Variants in TCERG1L observed in about 807,000 individuals in gnomAD.
TCERG1L encodes transcription elongation regulator 1-like protein.
A neutral mutation model predicts 56.3 loss-of-function variants in TCERG1L; 37 were observed. The observed-to-expected ratio is 0.66, with a 90% CI of 0.51 to 0.87. The LOEUF (loss-of-function observed/expected upper bound fraction) is 0.87, where lower values mean the gene tolerates loss of function less well. Among genes scored for constraint, TCERG1L ranks in the 40% least tolerant of loss-of-function variants. The pLI, the probability that TCERG1L is intolerant of heterozygous loss-of-function variation, is 0.00. For missense variants in TCERG1L, 799 were observed against 774.2 expected (o/e 1.03, Z -0.38); for synonymous variants, 324 against 326.3 (o/e 0.99, Z 0.08).
intron 3 of TCERG1L, among the ~76,000 whole-genome samples, chr10:131,280,428 C>T (rs891651754): frequency 4.0e-5 from 6 of 151,444 alleles, no homozygotes; most frequent in Middle Eastern, 3.4e-3. Flanking sequence ...GTTGGGAAGA[C>T]TGGAAGCAGG....
At chr10:131,122,954 C>T (rs761864224) in intron 8 of TCERG1L, among the ~76,000 whole-genome samples, 4 of 152,232 alleles carry the variant, frequency 2.6e-5, no homozygotes, top group African/African-American at 4.8e-5. Flanking sequence ...AAATTTGCTT[C>T]AATTGCATTC....
At chr10:131,251,093 A>G (rs1229935440) in intron 4 of TCERG1L, among the ~76,000 whole-genome samples, 1 of 152,116 alleles carries the variant, frequency 6.6e-6, no homozygotes, top group Non-Finnish European at 1.5e-5. Flanking sequence ...GAACCCACTC[A>G]TCTTTGCTGT....
intron 4 of TCERG1L, among the ~76,000 whole-genome samples, chr10:131,202,335 A>G (rs1382901927): frequency 1.3e-5 from 2 of 152,166 alleles, no homozygotes; most frequent in Non-Finnish European, 1.5e-5. Flanking sequence ...TAATCCCAAC[A>G]CTTTGGGAGG....
At chr10:131,214,903 C>A (rs920351960) in intron 4 of TCERG1L, among the ~76,000 whole-genome samples, 2 of 152,204 alleles carry the variant, frequency 1.3e-5, no homozygotes, top group African/African-American at 4.8e-5. Context: ...TTATTCCATG[C>A]CAAGGACTCC....
chr10:131,198,068 T>G lies in TCERG1L; in HGVS notation c.857-31183A>C, dbSNP rs115146181. Among the ~76,000 whole-genome samples, 500 of 152,362 alleles carry G rather than the reference T, an allele frequency of 3.3e-3. 5 individuals are homozygous for G. The highest frequency in any genetic ancestry group is 0.012 in the African/African-American group (479 of 41,590). The stretch of plus-strand genomic sequence containing the variant: ...TGTTTTTTACAAAAATTCTTCATAA[T>G]TGCTGCACCTGAGGAGGTTCTCACC... On this transcript the variant is annotated intron_variant, in intron 4 of 11. Coordinates refer to ENST00000368642, the MANE Select transcript of TCERG1L (RefSeq NM_174937.4).
intron 3 of TCERG1L, among the ~76,000 whole-genome samples, 156 bp downstream of exon 3, chr10:131,308,055 G>GT (rs962290148): frequency 7.9e-5 from 12 of 152,126 alleles, no homozygotes; most frequent in African/African-American, 1.2e-4. Flanking sequence ...TCCAAGACTA[G>GT]TTTTTTTTAA....
chr10:131,253,438 GA>G (rs145566395), intron 4 of TCERG1L, among the ~76,000 whole-genome samples: 1 of 152,260 alleles, frequency 6.6e-6, no homozygotes, highest in East Asian at 1.9e-4. Context: ...CTTTCAGCTT[GA>G]AAATTTTGGA....
intron 4 of TCERG1L, among the ~76,000 whole-genome samples, chr10:131,170,877 G>A (rs989655578): frequency 1.3e-5 from 2 of 152,268 alleles, no homozygotes; most frequent in South Asian, 2.1e-4. Flanking sequence ...GCCGGGCGCC[G>A]TGGCTCACAC....
chr10:131,222,943 C>T (rs962404877), intron 4 of TCERG1L, among the ~76,000 whole-genome samples: 3 of 152,160 alleles, frequency 2.0e-5, no homozygotes, highest in African/African-American at 7.2e-5. Flanking sequence ...TAACCCCGCC[C>T]CGCCTGTGGG....
At chr10:131,292,195 G>C (rs957164802) in intron 3 of TCERG1L, among the ~76,000 whole-genome samples, 1 of 152,132 alleles carries the variant, frequency 6.6e-6, no homozygotes, top group Non-Finnish European at 1.5e-5. Context: ...ACAGTGTGGC[G>C]TTTTTTAGCT....
intron 4 of TCERG1L, among the ~76,000 whole-genome samples, chr10:131,211,617 T>C (rs1454679910): frequency 6.6e-6 from 1 of 152,212 alleles, no homozygotes; most frequent in South Asian, 2.1e-4. Context: ...AGAAATGTCA[T>C]AGGCAGCTCC....
intron 4 of TCERG1L, among the ~76,000 whole-genome samples, chr10:131,168,512 C>G (rs78523204): frequency 2.0e-5 from 3 of 152,172 alleles, no homozygotes; most frequent in African/African-American, 7.2e-5. Context: ...ATTTCAGGTG[C>G]GGAGCAGCAA....
chr10:131,311,363 CAGCAGCGGG>C lies in TCERG1L; in HGVS notation c.264_272del (p.Leu91_Leu93del). The C allele has an allele frequency of 4.2e-6, 5 of 1,199,284 alleles. No individual in the cohort carries two copies. The highest frequency in any genetic ancestry group is 5.2e-6 in the Non-Finnish European group (5 of 968,768). 74.3% of individuals were successfully genotyped at this position (1,199,284 alleles called of 1,614,324 possible). ...CGGAGTCTGGCGCAGAGGGCAGCGG[CAGCAGCGGG>C]AGCACCGGCTCGCTCGGGGCCGGCC... On this transcript the variant is annotated inframe_deletion, in exon 1 of 12. Coordinates refer to ENST00000368642, the MANE Select transcript of TCERG1L (RefSeq NM_174937.4). This position sits in a 1 kb window ranked among gnomAD's most constrained non-coding sequence, Gnocchi z 4.0.
intron 4 of TCERG1L, among the ~76,000 whole-genome samples, chr10:131,255,444 A>G (rs750740092): frequency 3.9e-5 from 6 of 152,258 alleles, no homozygotes; most frequent in Non-Finnish European, 5.9e-5. Flanking sequence ...AAAAATAGCA[A>G]AGGAATAATT....
intron 3 of TCERG1L, among the ~76,000 whole-genome samples, chr10:131,300,939 G>A (rs1589777672): frequency 6.6e-6 from 1 of 152,048 alleles, no homozygotes; most frequent in East Asian, 1.9e-4. Flanking sequence ...TGTCATGGTT[G>A]CCTTCAATGC....
rs73394545 is a variant in TCERG1L at position 131,165,290 on chromosome 10, C to T, written c.945+1507G>A. ...CAGAAGCATCTCGCACAGTCTCCAGCGTGAGGGTGAACCTGGGAAGGGCAT... is the reference window on the plus strand; with the variant it reads ...CAGAAGCATCTCGCACAGTCTCCAGTGTGAGGGTGAACCTGGGAAGGGCAT... On this transcript the variant is annotated intron_variant, in intron 5 of 11. Coordinates refer to ENST00000368642, the MANE Select transcript of TCERG1L (RefSeq NM_174937.4). Among the ~76,000 whole-genome samples the T allele has an allele frequency of 6.1e-3, 929 of 152,236 alleles. 7 individuals are homozygous for T. The highest frequency in any genetic ancestry group is 0.021 in the African/African-American group (891 of 41,546).
chr10:131,308,448 G>T, intron 2 of TCERG1L, 57 bp from the exon 3 acceptor site: 2 of 1,443,486 alleles, frequency 1.4e-6, no homozygotes, highest in Non-Finnish European at 1.9e-6. Context: ...TAAAAGCTGA[G>T]CATGACCATG....
intron 4 of TCERG1L, among the ~76,000 whole-genome samples, chr10:131,234,757 C>T (rs994727136): frequency 6.6e-6 from 1 of 152,118 alleles, no homozygotes; most frequent in African/African-American, 2.4e-5. Context: ...AGGCTGGAGA[C>T]CAGTAGCGTG....
chr10:131,273,940 T>G (rs1322454055), intron 3 of TCERG1L, among the ~76,000 whole-genome samples: 2 of 152,096 alleles, frequency 1.3e-5, no homozygotes, highest in Non-Finnish European at 2.9e-5. Flanking sequence ...CTTCCCAAAT[T>G]GAAAGAAAAT....
Sources: allele counts gnomAD v4.1 joint callset (sites outside exome capture counted in the v4.1 genomes callset), GRCh38; gene constraint gnomAD v4.1.1; non-coding constraint Gnocchi (gnomAD v3.1); transcripts MANE v1.5; gene names NCBI Gene and HGNC (gene_info 2026-07-23, HGNC 2026-07-21).